The following MLLT10 variants were observed in gnomAD, a reference collection of about 807,000 sequenced individuals.
MLLT10 encodes the protein protein AF-10.
A neutral mutation model predicts 129.1 loss-of-function variants in MLLT10; 30 were observed. The observed-to-expected ratio is 0.23, with a 90% CI of 0.17 to 0.32. MLLT10 has a LOEUF of 0.32. Ranked by LOEUF, MLLT10 falls within the 10% of genes least tolerant of loss-of-function variation. The pLI is 1.00. For synonymous variants in MLLT10, 490 were observed against 446.4 expected (o/e 1.10, Z -1.23); for missense variants, 1,119 against 1,268.3 (o/e 0.88, Z 1.79).
chr10:21,720,391 T>C (rs1327022399), intron 14 of MLLT10, among the ~76,000 whole-genome samples: 1 of 152,212 alleles, frequency 6.6e-6, no homozygotes, highest in Non-Finnish European at 1.5e-5. Context: ...TTACTGGCGG[T>C]AGCTGACACA....
At chr10:21,602,885 A>G (rs1589175671) in intron 5 of MLLT10, among the ~76,000 whole-genome samples, 1 of 148,470 alleles carries the variant, frequency 6.7e-6, no homozygotes, top group Non-Finnish European at 1.5e-5. Context: ...GCCCTCCACC[A>G]CGCCCGGCTA....
At chr10:21,572,105 T>C (rs1271403075) in intron 3 of MLLT10, 1 of 152,230 alleles carries the variant, frequency 6.6e-6, no homozygotes, top group Non-Finnish European at 1.5e-5. Context: ...GAAATTATTT[T>C]TGTAGGTTTG....
At chr10:21,682,348 T>G (rs1015294403) in intron 13 of MLLT10, 91 bp downstream of exon 13, 9 of 1,248,732 alleles carry the variant, frequency 7.2e-6, no homozygotes, top group Non-Finnish European at 1.0e-5. Context: ...CATGTTCTAT[T>G]GATTAGATGA....
intron 8 of MLLT10, among the ~76,000 whole-genome samples, chr10:21,649,249 A>AT (rs1011250543): frequency 1.7e-4 from 25 of 151,352 alleles, no homozygotes; most frequent in South Asian, 4.2e-4. Context: ...CTAATTTTTT[A>AT]TTTTTTTTGT....
At chr10:21,713,669 A>C in intron 13 of MLLT10, 103 bp from the exon 14 acceptor site, 1 of 953,544 alleles carries the variant, frequency 1.0e-6, no homozygotes. Flanking sequence ...AAGATTTATA[A>C]TTGGAGGAGG....
At chr10:21,572,162 A>C (rs2040270606) in intron 3 of MLLT10, 3 of 152,208 alleles carry the variant, frequency 2.0e-5, no homozygotes, top group African/African-American at 7.2e-5. Flanking sequence ...ATTTGTTGAA[A>C]ACAGTCTCTT....
chr10:21,576,687 A>G lies in MLLT10; in HGVS notation c.241-9607A>G, dbSNP rs1208321329. Among the ~76,000 whole-genome samples, 13 of 147,558 alleles carry G rather than the reference A, an allele frequency of 8.8e-5. No individual in the cohort carries two copies. The East Asian group carries it at 1.6e-3, about 19-fold the overall frequency. ...CTCTTGTTGCCCAGACTGGAGTGCAATGGCACAATCTCGGCTCACTGCAAC... is the reference window on the plus strand; with the variant it reads ...CTCTTGTTGCCCAGACTGGAGTGCAGTGGCACAATCTCGGCTCACTGCAAC... On this transcript the variant is annotated intron_variant, in intron 3 of 22. Transcript: ENST00000307729.
Position 21,542,262 on chromosome 10 carries a change from G to A in MLLT10, c.240+3350G>A, listed in dbSNP as rs191722714. ...TGGTCAAAGTGTCAGTGTGAATAAG[G>A]TAGTTAACTTAAAAGGTGTATTAGG... On this transcript the variant is annotated intron_variant, in intron 3 of 22. Transcript: ENST00000307729. Among the ~76,000 whole-genome samples the A allele has an allele frequency of 5.2e-3, 792 of 152,168 alleles. 4 individuals are homozygous for A. Among genetic ancestry groups the A allele is most frequent in the Non-Finnish European group, 7.3e-3 (496 of 67,986 alleles).
intron 7 of MLLT10, 106 bp downstream of exon 7, chr10:21,615,030 T>G: frequency 1.2e-6 from 1 of 849,820 alleles, no homozygotes; most frequent in Non-Finnish European, 1.8e-6. Flanking sequence ...TTCCTTGAGT[T>G]TTTGGCTGGA....
In MLLT10 at chr10:21,742,282, AT is replaced by A. The variant is rs1253947882; in HGVS notation, c.*302del. 6.2e-6 allele frequency: 2 copies of A among 324,430 alleles called. No homozygotes were observed. Among genetic ancestry groups the A allele is most frequent in the African/African-American group, 4.2e-5 (2 of 47,520 alleles). The allele number at this position is 324,430 out of a possible 1,614,324, so 20.1% of individuals were successfully genotyped here. ...ATGCAATATGTTTATCAACTCAAGA[AT>A]TTAATATAGTTGGTACACAACTAGT... On this transcript the variant is annotated 3_prime_UTR_variant, in exon 23 of 23. Transcript: ENST00000307729.
At chr10:21,621,607 C>A in intron 8 of MLLT10, among the ~76,000 whole-genome samples, 1 of 146,598 alleles carries the variant, frequency 6.8e-6, no homozygotes, top group South Asian at 2.2e-4. Flanking sequence ...CCGACCTCCG[C>A]CCCCCCCACC....
At chr10:21,663,249 C>G (rs1278420339) in intron 9 of MLLT10, among the ~76,000 whole-genome samples, 1 of 152,230 alleles carries the variant, frequency 6.6e-6, no homozygotes, top group Non-Finnish European at 1.5e-5. Flanking sequence ...CTTGTTCACA[C>G]TGTGCCTCCA....
At chr10:21,673,300 G>GGGGCC in intron 10 of MLLT10, 50 bp from the exon 11 acceptor site, 3 of 655,066 alleles carry the variant, frequency 4.6e-6, no homozygotes, top group African/African-American at 2.7e-5. Flanking sequence ...CAATTTTTCT[G>GGGGCC]TCCCCCCCAC....
chr10:21,650,022 C>T (rs1056758740), intron 8 of MLLT10, among the ~76,000 whole-genome samples: 7 of 151,894 alleles, frequency 4.6e-5, no homozygotes, highest in African/African-American at 1.5e-4. Flanking sequence ...GGAAGATAGC[C>T]GAGAACACTC....
intron 7 of MLLT10, among the ~76,000 whole-genome samples, chr10:21,616,479 C>T (rs1474404157): frequency 6.6e-6 from 1 of 152,048 alleles, no homozygotes; most frequent in Non-Finnish European, 1.5e-5. Context: ...CTCTCACCTT[C>T]ATACTTAATT....
intron 4 of MLLT10, among the ~76,000 whole-genome samples, chr10:21,587,242 G>A (rs969080451): frequency 1.3e-5 from 2 of 151,482 alleles, no homozygotes; most frequent in Non-Finnish European, 2.9e-5. Context: ...CTCTGCAAAA[G>A]TAAATATAAA....
At chr10:21,627,634 G>T (rs1361911475) in intron 8 of MLLT10, among the ~76,000 whole-genome samples, 1 of 152,060 alleles carries the variant, frequency 6.6e-6, no homozygotes, top group Admixed American at 6.5e-5. Flanking sequence ...TAAAAAAGGG[G>T]TTTGTAGCCA....
chr10:21,581,246 A>C (rs1157830520), intron 3 of MLLT10, among the ~76,000 whole-genome samples: 1 of 150,896 alleles, frequency 6.6e-6, no homozygotes, highest in African/African-American at 2.4e-5. Context: ...ACGGGGTTTC[A>C]CCGTGTTAGC....
At chr10:21,577,449 C>A (rs2131058207) in intron 3 of MLLT10, among the ~76,000 whole-genome samples, 3 of 145,010 alleles carry the variant, frequency 2.1e-5, no homozygotes, top group Non-Finnish European at 1.5e-5. Flanking sequence ...TTACCAGCAA[C>A]AATAGATGAA....
Sources: allele counts gnomAD v4.1 joint callset (sites outside exome capture counted in the v4.1 genomes callset), GRCh38; gene constraint gnomAD v4.1.1; transcripts MANE v1.5; gene names NCBI Gene and HGNC (gene_info 2026-07-23, HGNC 2026-07-21).